HK3: variants seen among roughly 807,000 people sequenced by gnomAD.
The protein encoded by HK3 is hexokinase-3.
A neutral mutation model predicts 91.0 loss-of-function variants in HK3; 93 were observed. The observed-to-expected ratio is 1.02, with a 90% CI of 0.86 to 1.21. The LOEUF (loss-of-function observed/expected upper bound fraction) is 1.21. Ranked by LOEUF, HK3 falls within the 50% of genes most tolerant of loss-of-function variation. HK3 has a pLI of 0.00. For missense variants in HK3, 1,235 were observed against 1,247.4 expected (o/e 0.99, Z 0.15); for synonymous variants, 519 against 516.9 (o/e 1.00, Z -0.06).
chr5:176,896,376 T>C (rs1256226535), intron 1 of HK3, among the ~76,000 whole-genome samples, 191 bp from the exon 2 acceptor site: 2 of 152,202 alleles, frequency 1.3e-5, no homozygotes, highest in Non-Finnish European at 2.9e-5. Flanking sequence ...GCATGTCTAA[T>C]GAGAGAGCAC....
intron 13 of HK3, among the ~76,000 whole-genome samples, chr5:176,885,547 G>A (rs1323746555): frequency 6.6e-5 from 10 of 152,008 alleles, no homozygotes; most frequent in African/African-American, 1.9e-4. Context: ...TCAGCCTCCC[G>A]AGTAGCTGGA....
rs766799029 is a variant in HK3, at chr5:176,888,349, C to T, written c.1287G>A (p.Val429=). Residue 429 remains valine, a synonymous_variant, in exon 10 of 19, where the codon GTG becomes GTA. Transcript: ENST00000292432. ...CACAATACCTGGGGTGCCGCTCACACACTCGGCCTCCGGTGGCCACAGCAA... is the reference window on the plus strand; with the variant it reads ...CACAATACCTGGGGTGCCGCTCACATACTCGGCCTCCGGTGGCCACAGCAA... ...LQVAVATGGR[V]CERHPRFCSV... is the part of the protein sequence containing the mutation. 3 of 1,557,370 alleles carry T rather than the reference C, an allele frequency of 1.9e-6. No individual in the cohort carries two copies. Among genetic ancestry groups the T allele is most frequent in the South Asian group, 2.4e-5 (2 of 84,422 alleles).
intron 2 of HK3, 97 bp from the exon 3 acceptor site, chr5:176,891,647 C>G: frequency 8.2e-7 from 1 of 1,225,590 alleles, no homozygotes; most frequent in South Asian, 1.5e-5. Context: ...GCCCAGCCCA[C>G]TCCTCGGCTC....
In HK3 at chr5:176,889,704, A is replaced by C; in HGVS notation, c.671T>G (p.Val224Gly). 6.2e-7 allele frequency: 1 copy of C among 1,614,094 alleles called. No individual in the cohort carries two copies. The change falls in exon 7 of 19, where the codon GTG becomes GGG. Residue 224 changes from valine to glycine, a missense_variant. Around this residue, in one of 3 missense-constraint regions of HK3, gnomAD observed 717 missense variants for 751.6 expected, o/e 0.95. Transcript: ENST00000292432. Reference protein sequence around the residue: ...IDVVAVVNDTVGTMMGCEPGV... With the variant: ...IDVVAVVNDTGGTMMGCEPGV... ...CGGCTCACAGCCCATCATGGTGCCC[A>C]CTGTGTCGTTCACCACAGCAACCAC...
chr5:176,885,140 A>G (rs1457368187), intron 13 of HK3, among the ~76,000 whole-genome samples: 1 of 152,152 alleles, frequency 6.6e-6, no homozygotes, highest in Non-Finnish European at 1.5e-5. Context: ...CAGGTGTCCT[A>G]TGCCCTCCCC....
chr5:176,886,300 G>A (rs1358154440), intron 13 of HK3, among the ~76,000 whole-genome samples: 1 of 151,920 alleles, frequency 6.6e-6, no homozygotes, highest in Non-Finnish European at 1.5e-5. Flanking sequence ...ATCACATGGA[G>A]GCTGGTTGGA....
rs113978418 is a variant in HK3, at chr5:176,890,898, G to A, written c.458C>T (p.Ala153Val). The A allele has an allele frequency of 5.3e-4, 863 of 1,613,954 alleles. 6 individuals carry two copies. In the African/African-American group the frequency reaches 9.8e-3, roughly 18 times the overall value. The change falls in exon 5 of 19, where the codon GCG (alanine) becomes GTG (valine). Residue 153 changes from alanine (A) to valine (V), a missense_variant. This residue lies in a region of HK3 where 717 missense variants were observed against 751.6 expected (regional missense o/e 0.95). Coordinates refer to ENST00000292432, the MANE Select transcript of HK3 (RefSeq NM_002115.3). ...CAGACCCTGTTTGTTCACAGGCTGC[G>A]CATCCAGGAACTCAGACAGGCAGTG... is the stretch of plus-strand genomic sequence containing the variant. ...AAHCLSEFLD[A>V]QPVNKQGLQL...
In HK3 at chr5:176,887,795, C is replaced by G. The variant is rs754471069; in HGVS notation, c.1305-49G>C. The G allele has an allele frequency of 2.9e-5, 45 of 1,560,726 alleles. No individual in the cohort carries two copies. The highest frequency in any genetic ancestry group is 3.9e-5 in the Non-Finnish European group (45 of 1,148,724). On this transcript the variant is annotated intron_variant, in intron 10 of 18. Coordinates refer to ENST00000292432, the MANE Select transcript of HK3 (RefSeq NM_002115.3). The surrounding 1 kb of genome is among the most constrained non-coding windows in gnomAD (Gnocchi z 4.9). ...CGGCTTGGCCCTGGACCCCCAGACACACACAGGTGTGCACGGCTTGGCCCT... is the reference window on the plus strand; with the variant it reads ...CGGCTTGGCCCTGGACCCCCAGACAGACACAGGTGTGCACGGCTTGGCCCT...
intron 1 of HK3, among the ~76,000 whole-genome samples, chr5:176,897,292 C>T (rs538802034): frequency 3.3e-5 from 5 of 152,258 alleles, no homozygotes; most frequent in Non-Finnish European, 4.4e-5. Flanking sequence ...TTCGCTCATC[C>T]GAGCTGGAGG....
At chr5:176,897,289 A>T (rs1169706719) in intron 1 of HK3, among the ~76,000 whole-genome samples, 4 of 152,188 alleles carry the variant, frequency 2.6e-5, no homozygotes, top group African/African-American at 9.7e-5. Context: ...TACTTCGCTC[A>T]TCCGAGCTGG....
At chr5:176,897,339 AG>A (rs1302386366) in intron 1 of HK3, among the ~76,000 whole-genome samples, 1 of 152,166 alleles carries the variant, frequency 6.6e-6, no homozygotes, top group Admixed American at 6.5e-5. Flanking sequence ...GGGAGCCCTC[AG>A]TGAGTCAGGT....
At chr5:176,896,242 C>T in intron 1 of HK3, 57 bp from the exon 2 acceptor site, 5 of 959,238 alleles carry the variant, frequency 5.2e-6, no homozygotes, top group Non-Finnish European at 6.1e-6. Flanking sequence ...CCCTAGGAGT[C>T]TGTAACCCAG....
intron 13 of HK3, among the ~76,000 whole-genome samples, chr5:176,885,139 T>C (rs1174108017): frequency 2.6e-5 from 4 of 152,182 alleles, no homozygotes; most frequent in Non-Finnish European, 5.9e-5. Flanking sequence ...ACAGGTGTCC[T>C]ATGCCCTCCC....
At chr5:176,893,436 A>T (rs1010709488) in intron 2 of HK3, among the ~76,000 whole-genome samples, 1 of 152,174 alleles carries the variant, frequency 6.6e-6, no homozygotes, top group Non-Finnish European at 1.5e-5. Flanking sequence ...TCTGAGCCTC[A>T]GTCACCTCTT....
At chr5:176,886,851 G>A in intron 13 of HK3, 151 bp downstream of exon 13, 7 of 874,786 alleles carry the variant, frequency 8.0e-6, no homozygotes, top group Non-Finnish European at 1.2e-5. Context: ...GGAAACTGAG[G>A]CTGTGTGCAA....
chr5:176,887,661 G>C lies in HK3; in HGVS notation c.1390C>G (p.Arg464Gly), dbSNP rs757581470. 1 of 1,613,800 alleles carries C rather than the reference G, an allele frequency of 6.2e-7. No homozygotes were observed. The highest frequency in any genetic ancestry group is 8.5e-7 in the Non-Finnish European group (1 of 1,179,958). Residue 464 changes from arginine to glycine, a missense_variant, in exon 11 of 19, where the codon CGG becomes GGG. By Grantham distance (125) the Arg-to-Gly change is moderately radical (BLOSUM62 -2). Around this residue, in one of 3 missense-constraint regions of HK3, gnomAD observed 717 missense variants for 751.6 expected, o/e 0.95. Transcript: ENST00000292432. This position sits in a 1 kb window ranked among gnomAD's most constrained non-coding sequence, Gnocchi z 4.9. The stretch of plus-strand genomic sequence containing the variant: ...ACGGCAGTCACCATCGCCACTCCCC[G>C]GCCACCACCATCCACAGAGGGGATT... ...SLIPSVDGGG[R>G]GVAMVTAVAA...
At chr5:176,891,311 G>C in intron 3 of HK3, 77 bp downstream of exon 3, 3 of 1,605,978 alleles carry the variant, frequency 1.9e-6, no homozygotes, top group Non-Finnish European at 2.6e-6. Context: ...TGGGGGACAG[G>C]AATAAGGAAC....
chr5:176,887,779 C>T lies in HK3; in HGVS notation c.1305-33G>A. ...TACATACAGGTGCACCCGGCTTGGC[C>T]CTGGACCCCCAGACACACACAGGTG... is the stretch of plus-strand genomic sequence containing the variant. On this transcript the variant is annotated intron_variant, in intron 10 of 18. Transcript: ENST00000292432. The surrounding 1 kb of genome is among the most constrained non-coding windows in gnomAD (Gnocchi z 4.9). 6.4e-7 allele frequency: 1 copy of T among 1,571,690 alleles called. No individual in the cohort carries two copies. The highest frequency in any genetic ancestry group is 8.7e-7 in the Non-Finnish European group (1 of 1,154,856).
intron 13 of HK3, among the ~76,000 whole-genome samples, chr5:176,885,142 G>GC (rs1410605477): frequency 2.0e-5 from 3 of 152,184 alleles, no homozygotes; most frequent in African/African-American, 4.8e-5. Context: ...GGTGTCCTAT[G>GC]CCCTCCCCAC....
Sources: allele counts gnomAD v4.1 joint callset (sites outside exome capture counted in the v4.1 genomes callset), GRCh38; gene constraint gnomAD v4.1.1; regional missense constraint gnomAD v4.1.1; non-coding constraint Gnocchi (gnomAD v3.1); transcripts MANE v1.5; gene names NCBI Gene and HGNC (gene_info 2026-07-23, HGNC 2026-07-21).